Variants in GTPBP1 observed in about 807,000 individuals in gnomAD.
GTPBP1 encodes the protein GTP binding protein 1, also known as GTP-binding protein 1.
In GTPBP1, 23 loss-of-function variants were observed where a neutral mutation model predicts 62.0. The observed-to-expected ratio is 0.37, with a 90% CI of 0.27 to 0.53. The LOEUF (loss-of-function observed/expected upper bound fraction) is 0.53. Among genes scored for constraint, GTPBP1 ranks in the 20% least tolerant of loss-of-function variants. The probability of loss-of-function intolerance (pLI) is 0.89; values close to 1 mark genes in which losing one functional copy is unlikely to be tolerated. For missense variants in GTPBP1, 640 were observed against 917.3 expected (o/e 0.70, Z 3.90); for synonymous variants, 344 against 364.4 (o/e 0.94, Z 0.64).
chr22:38,740,167 G>A (rs948975009), downstream of GTPBP1: 1 of 1,404,222 alleles, frequency 7.1e-7, no homozygotes, highest in African/African-American at 1.4e-5. This position sits in a 1 kb window ranked among gnomAD's most constrained non-coding sequence, Gnocchi z 4.8. Flanking sequence ...GGGCATAACA[G>A]AGGCTGCAGG....
Position 38,729,559 on chromosome 22 carries a change from G to A in GTPBP1, c.1814G>A (p.Gly605Glu). The A allele has an allele frequency of 6.2e-7, 1 of 1,603,554 alleles. No individual in the cohort carries two copies. Among genetic ancestry groups the A allele is most frequent in the Non-Finnish European group, 8.5e-7 (1 of 1,175,224 alleles). ...GGCCCCCTGACGAAACGAGACGAGGGGGGCCCGTCTGGTGGGCCAGCAGTA... is the reference window on the plus strand; with the variant it reads ...GGCCCCCTGACGAAACGAGACGAGGAGGGCCCGTCTGGTGGGCCAGCAGTA... ...KKGPLTKRDE[G>E]GPSGGPAVGA... The change falls in exon 11 of 12, where the codon GGG (glycine) becomes GAG (glutamate). Residue 605 changes from glycine to glutamate, a missense_variant. Coordinates refer to ENST00000216044, the MANE Select transcript of GTPBP1 (RefSeq NM_004286.5).
In GTPBP1 at chr22:38,729,581, A is replaced by C; in HGVS notation, c.1836A>C (p.Ala612=). The C allele has an allele frequency of 6.3e-7, 1 of 1,587,562 alleles. No homozygotes were observed. Residue 612 remains alanine (A), a synonymous_variant, in exon 11 of 12, where the codon GCA becomes GCC. Transcript: ENST00000216044. ...RDEGGPSGGP[A]VGAPPPGDEA... is the part of the protein sequence containing the mutation. ...AGGGGGGCCCGTCTGGTGGGCCAGC[A>C]GTAGGAGCACCCCCACCTGGAGATG...
Position 38,726,272 on chromosome 22 carries a change from G to T in GTPBP1, c.1233G>T (p.Val411=). 2 of 1,614,016 alleles carry T rather than the reference G, an allele frequency of 1.2e-6. No homozygotes were observed. The highest frequency in any genetic ancestry group is 2.7e-5 in the African/African-American group (2 of 75,002). ...DTYSVPGVGT[V]VSGTTLRGLI... is the part of the protein sequence containing the mutation. ...CTCCTTGGCAGGGTGTGGGGACAGT[G>T]GTTTCGGGGACAACACTGAGAGGCC... Residue 411 remains valine, a synonymous_variant, in exon 8 of 12, where the codon GTG becomes GTT. Transcript: ENST00000216044. The surrounding 1 kb of genome is among the most constrained non-coding windows in gnomAD (Gnocchi z 4.1).
At chr22:38,742,469 C>T (rs1304132126), downstream of GTPBP1, 5 of 1,613,570 alleles carry the variant, frequency 3.1e-6, no homozygotes, top group East Asian at 8.9e-5. Context: ...GCATGGCCTC[C>T]TTCTGCCAGT....
At chr22:38,708,342 G>A (rs2092618353) in intron 1 of GTPBP1, among the ~76,000 whole-genome samples, 2 of 152,312 alleles carry the variant, frequency 1.3e-5, no homozygotes, top group East Asian at 3.9e-4. Flanking sequence ...AGTCTTGCAG[G>A]CAGTTTTCAT....
chr22:38,717,817 C>T (rs2092679197), intron 4 of GTPBP1, among the ~76,000 whole-genome samples: 1 of 152,028 alleles, frequency 6.6e-6, no homozygotes, highest in South Asian at 2.1e-4. Context: ...TGCACATCTC[C>T]ACAGCTTTCA....
Position 38,722,754 on chromosome 22 carries a change from T to C in GTPBP1, c.958+889T>C, listed in dbSNP as rs999449502. ...CACATGGGTGATCTACTGATTTACCTTCTGAAAGTACTCTTTGGAAGCAGC... is the reference window on the plus strand; with the variant it reads ...CACATGGGTGATCTACTGATTTACCCTCTGAAAGTACTCTTTGGAAGCAGC... On this transcript the variant is annotated intron_variant, in intron 5 of 11. Coordinates refer to ENST00000216044, the MANE Select transcript of GTPBP1 (RefSeq NM_004286.5). 7 of 1,603,370 alleles carry C rather than the reference T, an allele frequency of 4.4e-6. No homozygotes were observed. In the Admixed American group the frequency reaches 1.2e-4, roughly 27 times the overall value.
downstream of GTPBP1, among the ~76,000 whole-genome samples, chr22:38,733,986 C>T (rs2092780068): frequency 6.6e-6 from 1 of 152,178 alleles, no homozygotes; most frequent in African/African-American, 2.4e-5. Context: ...AGAGGCAGAG[C>T]AGGTGTCAGT....
intron 2 of GTPBP1, among the ~76,000 whole-genome samples, chr22:38,712,410 G>A (rs2092645174): frequency 1.3e-5 from 2 of 152,166 alleles, no homozygotes; most frequent in South Asian, 2.1e-4. Context: ...AGGAGGAGAG[G>A]CTGGGCAGAG....
chr22:38,724,774 G>T (rs2092718579), intron 6 of GTPBP1, among the ~76,000 whole-genome samples: 1 of 152,208 alleles, frequency 6.6e-6, no homozygotes, highest in African/African-American at 2.4e-5. Context: ...TTAATGCCCT[G>T]CCTGGCTGAT....
In GTPBP1 at chr22:38,716,429, T is replaced by C. The variant is rs2092670870; in HGVS notation, c.486-223T>C. ...GCAGCACCCAGAAGCTAGTGGGAGT[T>C]AAGGGAGATAGCCGCTGTGGGAGTC... On this transcript the variant is annotated intron_variant, in intron 3 of 11. Transcript: ENST00000216044. This position sits in a 1 kb window ranked among gnomAD's most constrained non-coding sequence, Gnocchi z 5.2. Among the ~76,000 whole-genome samples the C allele has an allele frequency of 6.6e-6, 1 of 152,150 alleles. No individual in the cohort carries two copies. The highest frequency in any genetic ancestry group is 6.5e-5 in the Admixed American group (1 of 15,278).
chr22:38,708,341 G>A (rs1369120653), intron 1 of GTPBP1, among the ~76,000 whole-genome samples: 4 of 152,188 alleles, frequency 2.6e-5, no homozygotes, highest in African/African-American at 9.7e-5. Context: ...GAGTCTTGCA[G>A]GCAGTTTTCA....
rs1482456330 is a variant in GTPBP1, at chr22:38,715,983, A to G, written c.381A>G (p.Ile127Met). Residue 127 changes from isoleucine to methionine, a missense_variant, in exon 3 of 12, where the codon ATA becomes ATG. Transcript: ENST00000216044. ...YATVKSMAEQIEADVILLRER... is the reference protein window; with the variant it reads ...YATVKSMAEQMEADVILLRER... ...CAGTGAAGAGCATGGCGGAACAGAT[A>G]GAGGCCGATGTCATCCTTCTGCGGG... is the stretch of plus-strand genomic sequence containing the variant. The G allele has an allele frequency of 1.2e-6, 2 of 1,614,060 alleles. No individual in the cohort carries two copies. Among genetic ancestry groups the G allele is most frequent in the South Asian group, 1.1e-5 (1 of 91,082 alleles).
downstream of GTPBP1, chr22:38,742,197 A>C (rs1009716006): frequency 6.3e-5 from 89 of 1,407,078 alleles, no homozygotes; most frequent in Non-Finnish European, 8.3e-5. Flanking sequence ...AAAATGGCAG[A>C]GCTGTCTGAT....
At chr22:38,737,667 G>A (rs972783590), downstream of GTPBP1, 11 of 351,066 alleles carry the variant, frequency 3.1e-5, no homozygotes, top group Non-Finnish European at 5.6e-5. The surrounding 1 kb of genome is among the most constrained non-coding windows in gnomAD (Gnocchi z 4.1). Context: ...GTGGGGCTTA[G>A]GCCAATGGTT....
chr22:38,706,053 C>T lies in GTPBP1; in HGVS notation c.98C>T (p.Ala33Val), dbSNP rs2092602094. ...TCCCCGGGGGCGGCCAGGGCCGCGG[C>T]GGCCGCCGCCCGACTCCACGGCGGC... ...PSSPGAARAAAAAARLHGGFD... is the reference protein window; with the variant it reads ...PSSPGAARAAVAAARLHGGFD... The change falls in exon 1 of 12, where the codon GCG (alanine) becomes GTG (valine). Residue 33 changes from alanine to valine, a missense_variant. Transcript: ENST00000216044. 2.9e-6 allele frequency: 4 copies of T among 1,367,508 alleles called. No individual in the cohort carries two copies. Among genetic ancestry groups the T allele is most frequent in the South Asian group, 1.6e-5 (1 of 63,196 alleles). 84.7% of individuals were successfully genotyped at this position (1,367,508 alleles called of 1,614,324 possible). A position where few individuals can be genotyped will look rare whatever the true frequency, so the allele number is the denominator to read the frequency against.
downstream of GTPBP1, chr22:38,738,012 G>T (rs764256348): frequency 4.1e-6 from 3 of 737,188 alleles, no homozygotes; most frequent in Admixed American, 6.0e-5. This position sits in a 1 kb window ranked among gnomAD's most constrained non-coding sequence, Gnocchi z 6.6. Context: ...TCTGCAGGAT[G>T]CGTGTTACAC....
At chr22:38,742,354 G>T, downstream of GTPBP1, 1 of 1,611,964 alleles carries the variant, frequency 6.2e-7, no homozygotes, top group Non-Finnish European at 8.5e-7. Context: ...GCAGCTTCAC[G>T]GCGGCTCACT....
At chr22:38,719,359 G>T (rs1306848023) in intron 4 of GTPBP1, among the ~76,000 whole-genome samples, 2 of 152,072 alleles carry the variant, frequency 1.3e-5, no homozygotes, top group East Asian at 3.9e-4. Flanking sequence ...CCAGGCTAGA[G>T]TGCGGTGGTG....
Sources: gnomAD v4.1 joint callset for allele counts (sites outside exome capture counted in the v4.1 genomes callset) on GRCh38, gnomAD v4.1.1 for gene constraint, Gnocchi (gnomAD v3.1) non-coding constraint, MANE v1.5 for transcripts, NCBI Gene and HGNC (gene_info 2026-07-23, HGNC 2026-07-21) for gene names.